PCDHA1: variants seen among roughly 807,000 people sequenced by gnomAD.
PCDHA1 encodes protocadherin alpha 1, also known as protocadherin alpha-1.
Under a neutral mutation model 61.3 loss-of-function variants are expected in PCDHA1, and 42 were observed. The observed-to-expected ratio is 0.69, with a 90% CI of 0.54 to 0.89. The LOEUF (loss-of-function observed/expected upper bound fraction) is 0.89, where lower values mean the gene tolerates loss of function less well. Among genes scored for constraint, PCDHA1 ranks in the 40% least tolerant of loss-of-function variants. The pLI is 0.00. For synonymous variants in PCDHA1, 610 were observed against 553.8 expected, an observed-to-expected ratio of 1.10 and a Z score of -1.43; for missense variants, 1,256 against 1,235.3, an observed-to-expected ratio of 1.02 and a Z score of -0.25.
chr5:140,923,986 G>A (rs1482099424), intron 1 of PCDHA1, among the ~76,000 whole-genome samples: 2 of 152,074 alleles, frequency 1.3e-5, no homozygotes, highest in African/African-American at 2.4e-5. Flanking sequence ...ATCCCTCTAG[G>A]TGCAGCTCAG....
In PCDHA1 at chr5:140,786,507, G is replaced by C; in HGVS notation, c.217G>C (p.Asp73His). Residue 73 changes from aspartate to histidine, a missense_variant, in exon 1 of 4, where the codon GAC becomes CAC. Coordinates refer to ENST00000504120, the MANE Select transcript of PCDHA1 (RefSeq NM_018900.4). ...CCGGGTGGCGTCCAAAACACACAGG[G>C]ACCTTCTGGAGGTAAATCTGCAGAA... is the stretch of plus-strand genomic sequence containing the variant. ...LFRVASKTHR[D>H]LLEVNLQNGI... The C allele has an allele frequency of 3.1e-6, 5 of 1,614,002 alleles. No homozygotes were observed. The highest frequency in any genetic ancestry group is 4.2e-6 in the Non-Finnish European group (5 of 1,180,048).
In PCDHA1 at chr5:140,869,783, G is replaced by A. The variant is rs990827650; in HGVS notation, c.2394+81099G>A. The A allele has an allele frequency of 1.2e-5, 19 of 1,612,688 alleles. No homozygotes were observed. In the African/African-American group the frequency reaches 1.2e-4, roughly 10 times the overall value. ...AAACCAGAGCTTACTGGCACCGTTC[G>A]GCTGTTAGTCCAAGTCTTGGATGTC... On this transcript the variant is annotated intron_variant, in intron 1 of 3. Coordinates refer to ENST00000504120, the MANE Select transcript of PCDHA1 (RefSeq NM_018900.4).
At chr5:140,922,866 GA>G (rs557650266) in intron 1 of PCDHA1, among the ~76,000 whole-genome samples, 2 of 152,096 alleles carry the variant, frequency 1.3e-5, no homozygotes, top group Non-Finnish European at 2.9e-5. Flanking sequence ...TAGACAAGGG[GA>G]AAAAATCCAA....
chr5:140,922,786 G>A (rs1397049612), intron 1 of PCDHA1, among the ~76,000 whole-genome samples: 2 of 152,198 alleles, frequency 1.3e-5, no homozygotes, highest in African/African-American at 4.8e-5. Context: ...AGAGAAAACT[G>A]TAGCTTTGGA....
At chr5:140,792,257 T>C (rs1413725464) in intron 1 of PCDHA1, among the ~76,000 whole-genome samples, 1 of 152,218 alleles carries the variant, frequency 6.6e-6, no homozygotes, top group East Asian at 1.9e-4. Flanking sequence ...ACTATATGCC[T>C]TCTCTTTTTC....
intron 1 of PCDHA1, among the ~76,000 whole-genome samples, chr5:140,886,239 TAAATA>T (rs2060905359): frequency 6.6e-6 from 1 of 152,062 alleles, no homozygotes; most frequent in African/African-American, 2.4e-5. Context: ...ACTTCAGAAA[TAAATA>T]AAAGTATCTC....
chr5:140,982,265 G>A lies in PCDHA1; in HGVS notation c.2454-210G>A, dbSNP rs2096974278. ...ATAAAGATAGAACATGTGTGTTCCT[G>A]GAATAGTATAGCAGGCAATAAGTAA... On this transcript the variant is annotated intron_variant, in intron 2 of 3. Transcript: ENST00000504120. 7 of 870,768 alleles carry A rather than the reference G, an allele frequency of 8.0e-6. No individual in the cohort carries two copies. In the Admixed American group the frequency reaches 1.6e-4, roughly 20 times the overall value. 53.9% of individuals were successfully genotyped at this position (870,768 alleles called of 1,614,324 possible).
intron 1 of PCDHA1, among the ~76,000 whole-genome samples, chr5:140,903,031 A>G (rs1411414428): frequency 1.3e-5 from 2 of 152,188 alleles, no homozygotes; most frequent in Admixed American, 1.3e-4. Flanking sequence ...TGGCTTGCAC[A>G]TGTGTCTTTT....
chr5:140,854,975 ATT>A (rs1554147536), intron 1 of PCDHA1, among the ~76,000 whole-genome samples: 1 of 149,964 alleles, frequency 6.7e-6, no homozygotes, highest in Non-Finnish European at 1.5e-5. Context: ...CAGAATTATA[ATT>A]AAGATTCTTT....
intron 1 of PCDHA1, chr5:140,801,023 A>T: frequency 7.0e-7 from 1 of 1,423,576 alleles, no homozygotes; most frequent in Non-Finnish European, 9.1e-7. Context: ...TGTCCACCAC[A>T]AGGTCTTTCT....
chr5:140,848,483 C>A, intron 1 of PCDHA1: 1 of 1,570,024 alleles, frequency 6.4e-7, no homozygotes, highest in Non-Finnish European at 8.7e-7. Context: ...TAGAAGAAGA[C>A]TGAGTATTTG....
intron 1 of PCDHA1, among the ~76,000 whole-genome samples, chr5:140,920,592 T>C (rs1226483981): frequency 6.6e-6 from 1 of 152,158 alleles, no homozygotes; most frequent in Non-Finnish European, 1.5e-5. Flanking sequence ...ACGCCTGTAA[T>C]CCCAGCACTT....
At chr5:140,858,788 T>C (rs528259521) in intron 1 of PCDHA1, 5 of 390,400 alleles carry the variant, frequency 1.3e-5, no homozygotes, top group Middle Eastern at 1.4e-3. Flanking sequence ...TCATGTTATT[T>C]CATTTCCAAT....
At chr5:140,951,988 A>C (rs2094668820) in intron 1 of PCDHA1, among the ~76,000 whole-genome samples, 1 of 152,226 alleles carries the variant, frequency 6.6e-6, no homozygotes, top group African/African-American at 2.4e-5. Context: ...GGGAAAAACC[A>C]GCCAAAAGAA....
chr5:140,822,679 A>G (rs1248673178), intron 1 of PCDHA1: 1 of 1,609,904 alleles, frequency 6.2e-7, no homozygotes, highest in Non-Finnish European at 8.5e-7. Context: ...TGGTGAAATA[A>G]AAGTTAACGG....
chr5:141,006,368 C>T (rs1395158727), intron 3 of PCDHA1, among the ~76,000 whole-genome samples: 2 of 152,072 alleles, frequency 1.3e-5, no homozygotes, highest in Non-Finnish European at 2.9e-5. Context: ...CCCACCACCA[C>T]GCCCGGCTAA....
intron 1 of PCDHA1, chr5:140,829,480 C>T (rs2150168584): frequency 3.7e-6 from 6 of 1,613,752 alleles, no homozygotes; most frequent in South Asian, 1.1e-5. Flanking sequence ...ACACAGTGTT[C>T]GTGAAGGAGA....
intron 1 of PCDHA1, chr5:140,829,481 G>C: frequency 6.2e-6 from 10 of 1,613,786 alleles, no homozygotes; most frequent in Middle Eastern, 1.7e-4. Context: ...CACAGTGTTC[G>C]TGAAGGAGAA....
At chr5:140,906,323 A>C (rs1487570044) in intron 1 of PCDHA1, among the ~76,000 whole-genome samples, 1 of 152,212 alleles carries the variant, frequency 6.6e-6, no homozygotes, top group Admixed American at 6.5e-5. Flanking sequence ...AACATGATAC[A>C]ACTATCCTTC....
Sources: allele counts gnomAD v4.1 joint callset (sites outside exome capture counted in the v4.1 genomes callset), GRCh38; gene constraint gnomAD v4.1.1; transcripts MANE v1.5; gene names NCBI Gene and HGNC (gene_info 2026-07-23, HGNC 2026-07-21).